The following MRE11 variants were observed in gnomAD, a reference collection of about 807,000 sequenced individuals.
The protein encoded by MRE11 is double-strand break repair protein MRE11.
In MRE11, 62 loss-of-function variants were observed where a neutral mutation model predicts 91.7. That is an observed-to-expected ratio of 0.68 (90% CI 0.55 to 0.84). The LOEUF is 0.84. Among genes scored for constraint, MRE11 ranks in the 40% least tolerant of loss-of-function variants. MRE11 has a pLI of 0.00. For missense variants in MRE11, 796 were observed against 852.9 expected (o/e 0.93, Z 0.83); for synonymous variants, 273 against 271.4 (o/e 1.01, Z -0.06).
intron 14 of MRE11, among the ~76,000 whole-genome samples, chr11:94,452,806 G>A (rs1310399384): frequency 6.6e-6 from 1 of 152,038 alleles, no homozygotes; most frequent in African/African-American, 2.4e-5. Flanking sequence ...CTATCCTACT[G>A]TTAAACACTT....
At chr11:94,461,642 A>G (rs1156266978) in intron 11 of MRE11, among the ~76,000 whole-genome samples, 1 of 152,184 alleles carries the variant, frequency 6.6e-6, no homozygotes, top group Non-Finnish European at 1.5e-5. Flanking sequence ...AGGAGAAATA[A>G]AGGGTATTCA....
the MRE11 span, among the ~76,000 whole-genome samples, chr11:94,506,203 G>A: frequency 2.7e-5 from 4 of 148,502 alleles, no homozygotes; most frequent in Non-Finnish European, 5.9e-5. Context: ...TTTTGGGTAA[G>A]GATTGAAAAA....
intron 15 of MRE11, 33 bp from the exon 16 acceptor site, chr11:94,445,926 C>T (rs1945917433): frequency 7.0e-7 from 1 of 1,434,610 alleles, no homozygotes; most frequent in Non-Finnish European, 9.8e-7. Context: ...ATGTACAAGC[C>T]TATCAGCAGC....
In MRE11 at chr11:94,415,717, GAAA is replaced by G. The variant is rs1042536588; in HGVS notation, c.*4405_*4407del. On this transcript the variant is annotated 3_prime_UTR_variant, in exon 20 of 20. Transcript: ENST00000323929. The stretch of plus-strand genomic sequence containing the variant: ...TTAAGAGGTTGATAAAGCATATGTA[GAAA>G]AGTCAGAATGTCAAAATAAGTACCA... 1 of 152,204 alleles carries G rather than the reference GAAA, an allele frequency of 6.6e-6. No homozygotes were observed. The highest frequency in any genetic ancestry group is 2.4e-5 in the African/African-American group (1 of 41,446). 9.4% of individuals were successfully genotyped at this position (152,204 alleles called of 1,614,324 possible).
intron 18 of MRE11, among the ~76,000 whole-genome samples, chr11:94,433,400 T>C (rs1179226557): frequency 6.6e-6 from 1 of 152,246 alleles, no homozygotes; most frequent in African/African-American, 2.4e-5. Context: ...GTGTCTCTTT[T>C]CTATTCTCAT....
chr11:94,447,019 G>A (rs1452490222), intron 15 of MRE11, among the ~76,000 whole-genome samples, 200 bp downstream of exon 15: 1 of 152,168 alleles, frequency 6.6e-6, no homozygotes, highest in Non-Finnish European at 1.5e-5. Context: ...CTAAGTGCAT[G>A]TGGCCATTCA....
intron 18 of MRE11, among the ~76,000 whole-genome samples, chr11:94,434,397 A>C (rs1036870631): frequency 3.3e-5 from 5 of 152,128 alleles, no homozygotes; most frequent in African/African-American, 1.2e-4. Context: ...AGACTCAACC[A>C]TACCCAAAAA....
intron 18 of MRE11, among the ~76,000 whole-genome samples, chr11:94,434,193 C>A (rs1277365218): frequency 6.6e-6 from 1 of 152,174 alleles, no homozygotes; most frequent in Non-Finnish European, 1.5e-5. Flanking sequence ...AAACATTTAT[C>A]TTTCTATCCC....
At position 94,445,947 on chromosome 11, in the gene MRE11, T is replaced by C. The variant is rs910449172; in HGVS notation, c.1784-54A>G. The C allele has an allele frequency of 1.9e-5, 24 of 1,264,182 alleles. No individual in the cohort carries two copies. The Admixed American group carries it at 4.1e-4, about 21-fold the overall frequency. The allele number at this position is 1,264,182 out of a possible 1,614,324, so 78.3% of individuals were successfully genotyped here. ...AAGCCTATCAGCAGCTAAGGTTTAT[T>C]TCATACAACACTAAAAAATGAAAGC... On this transcript the variant is annotated intron_variant, in intron 15 of 19. Transcript: ENST00000323929.
intron 18 of MRE11, among the ~76,000 whole-genome samples, chr11:94,431,527 A>G: frequency 6.6e-6 from 1 of 152,190 alleles, no homozygotes; most frequent in East Asian, 1.9e-4. Context: ...CAAAACTTAA[A>G]TGATTCTTAT....
the MRE11 span, chr11:94,512,366 G>A: frequency 8.6e-6 from 5 of 579,660 alleles, no homozygotes; most frequent in Non-Finnish European, 1.3e-5. Context: ...CATAACTTCA[G>A]CACCTTCTTT....
intron 16 of MRE11, among the ~76,000 whole-genome samples, chr11:94,441,537 A>T (rs1945778312): frequency 6.6e-6 from 1 of 152,224 alleles, no homozygotes; most frequent in Non-Finnish European, 1.5e-5. Flanking sequence ...CAGACAACAG[A>T]AAGAGGCCAA....
intron 19 of MRE11, among the ~76,000 whole-genome samples, chr11:94,423,726 T>C (rs1290047067): frequency 6.6e-6 from 1 of 152,210 alleles, no homozygotes; most frequent in African/African-American, 2.4e-5. Context: ...CCTGGGAGCA[T>C]TTCAGATTCC....
At chr11:94,483,407 G>A (rs913489580) in intron 4 of MRE11, among the ~76,000 whole-genome samples, 1 of 152,140 alleles carries the variant, frequency 6.6e-6, no homozygotes, top group African/African-American at 2.4e-5. Context: ...CACGTGTTAT[G>A]GGAGGGGCCT....
upstream of MRE11, chr11:94,498,277 A>G: frequency 6.2e-7 from 1 of 1,614,202 alleles, no homozygotes; most frequent in Non-Finnish European, 8.5e-7. Flanking sequence ...ATAATACCAG[A>G]GTGGCTTCTT....
chr11:94,432,404 AAAAC>A (rs1468232367), intron 18 of MRE11, among the ~76,000 whole-genome samples: 1 of 152,190 alleles, frequency 6.6e-6, no homozygotes, highest in Non-Finnish European at 1.5e-5. Context: ...GCAGGCTAGG[AAAAC>A]AAACACTCTT....
At chr11:94,491,473 C>CA (rs1346102551) in intron 2 of MRE11, among the ~76,000 whole-genome samples, 2 of 152,132 alleles carry the variant, frequency 1.3e-5, no homozygotes, top group Non-Finnish European at 2.9e-5. Context: ...AGTTGGCCAA[C>CA]ACAGAATTGT....
chr11:94,466,490 T>C, intron 10 of MRE11: 2 of 532,348 alleles, frequency 3.8e-6, no homozygotes, highest in Non-Finnish European at 7.7e-6. Context: ...CTCATAAATC[T>C]ACGAAGCATT....
chr11:94,487,001 G>C (rs1591720670), intron 3 of MRE11, among the ~76,000 whole-genome samples: 1 of 152,142 alleles, frequency 6.6e-6, no homozygotes. Flanking sequence ...AAAATGTGAG[G>C]TTTAAGCTAG....
Sources: gnomAD v4.1 joint callset for allele counts (sites outside exome capture counted in the v4.1 genomes callset) on GRCh38, gnomAD v4.1.1 for gene constraint, MANE v1.5 for transcripts, NCBI Gene and HGNC (gene_info 2026-07-23, HGNC 2026-07-21) for gene names.